Variants in BRWD1 observed in about 807,000 individuals in gnomAD.
The protein encoded by BRWD1 is bromodomain and WD repeat-containing protein 1.
BRWD1 carries 82 observed loss-of-function variants against 251.2 expected under a neutral mutation model. That is an observed-to-expected ratio of 0.33 (90% CI 0.27 to 0.39). BRWD1 has a LOEUF of 0.39. Among genes scored for constraint, BRWD1 ranks in the 10% least tolerant of loss-of-function variants. The pLI, the probability that BRWD1 is intolerant of heterozygous loss-of-function variation, is 1.00. For synonymous variants in BRWD1, 918 were observed against 902.8 expected, an observed-to-expected ratio of 1.02 and a Z score of -0.30; for missense variants, 2,233 against 2,711.6, an observed-to-expected ratio of 0.82 and a Z score of 3.92.
At chr21:39,198,359 T>G (rs984623128) in intron 40 of BRWD1, among the ~76,000 whole-genome samples, 26 of 152,222 alleles carry the variant, frequency 1.7e-4, no homozygotes, top group African/African-American at 5.5e-4. Context: ...TTATTTGCTA[T>G]TACTAACATC....
chr21:39,213,379 G>T, intron 33 of BRWD1, 102 bp downstream of exon 33: 1 of 932,442 alleles, frequency 1.1e-6, no homozygotes. Context: ...TTTGTTCATT[G>T]GACTACTACA....
rs771556056 is a variant in BRWD1 at position 39,187,047 on chromosome 21, G to A, written c.*9212C>T. On this transcript the variant is annotated 3_prime_UTR_variant, in exon 41 of 41. Coordinates refer to ENST00000342449, the MANE Select transcript of BRWD1 (RefSeq NM_033656.4). ...GTCACTATTGTGCATTTTCTTTCCA[G>A]GATCTGAACCCCCTTAAAAAAAGCA... 6.4e-7 allele frequency: 1 copy of A among 1,569,166 alleles called. No homozygotes were observed. The highest frequency in any genetic ancestry group is 1.2e-5 in the South Asian group (1 of 82,418).
Position 39,196,794 on chromosome 21 carries a change from C to G in BRWD1, c.6275G>C (p.Gly2092Ala). 1 of 1,613,248 alleles carries G rather than the reference C, an allele frequency of 6.2e-7. No homozygotes were observed. Among genetic ancestry groups the G allele is most frequent in the Non-Finnish European group, 8.5e-7 (1 of 1,179,916 alleles). ...TCTTCTGCCATTCCACCTGCGCAGC[C>G]CATAATTCAGTTCCACTTCAAAATT... The part of the protein sequence containing the change: ...ENNFEVELNY[G>A]LRRWNGRRLR... The change falls in exon 41 of 41, where the codon GGG (glycine) becomes GCG (alanine). Residue 2092 changes from glycine to alanine, a missense_variant. By Grantham distance (60) the Gly-to-Ala change is moderately conservative. This residue lies in a region of BRWD1 where 928 missense variants were observed against 970.0 expected (regional missense o/e 0.96). Transcript: ENST00000342449.
chr21:39,286,159 C>G (rs924241587), intron 8 of BRWD1, among the ~76,000 whole-genome samples: 1 of 151,786 alleles, frequency 6.6e-6, no homozygotes, highest in African/African-American at 2.4e-5. Context: ...GGACTACAGG[C>G]GCTGGCCACC....
upstream of BRWD1, chr21:39,313,816 A>C (rs1284067261): frequency 2.8e-6 from 1 of 357,024 alleles, no homozygotes; most frequent in East Asian, 7.8e-5. Flanking sequence ...GGAGGCAAAG[A>C]CCTGGGCGCC....
chr21:39,232,200 G>A lies in BRWD1; in HGVS notation c.2977C>T (p.Pro993Ser). The A allele has an allele frequency of 6.2e-7, 1 of 1,611,520 alleles. No homozygotes were observed. The highest frequency in any genetic ancestry group is 8.5e-7 in the Non-Finnish European group (1 of 1,178,474). ...ACCCTAAGATCCATTTTTCTCCATG[G>A]CTCCTTATTAGGGTTCAGTTCATAA... is the stretch of plus-strand genomic sequence containing the variant. ...NIYELNPNKEPWRKMDLRDQE... is the reference protein window; with the variant it reads ...NIYELNPNKESWRKMDLRDQE... The change falls in exon 25 of 41, where the codon CCA (proline) becomes TCA (serine). Residue 993 changes from proline (P) to serine (S), a missense_variant. This residue lies in a region of BRWD1 where 139 missense variants were observed against 272.8 expected (regional missense o/e 0.51). Coordinates refer to ENST00000342449, the MANE Select transcript of BRWD1 (RefSeq NM_033656.4).
At chr21:39,203,417 C>A (rs907015934) in intron 37 of BRWD1, among the ~76,000 whole-genome samples, 3 of 143,422 alleles carry the variant, frequency 2.1e-5, no homozygotes, top group African/African-American at 5.1e-5. Context: ...CCAGCCTGGG[C>A]AACAGAGCAA....
chr21:39,252,757 A>G lies in BRWD1; in HGVS notation c.2256-1868T>C, dbSNP rs2034437000. On this transcript the variant is annotated intron_variant, in intron 19 of 40. Coordinates refer to ENST00000342449, the MANE Select transcript of BRWD1 (RefSeq NM_033656.4). Reference sequence around the variant, plus strand: ...CCAGGTTCTTTGCTGCTCTAAATAGATACTGTGTTACCTACTCTCCTCCTT... The same window carrying G: ...CCAGGTTCTTTGCTGCTCTAAATAGGTACTGTGTTACCTACTCTCCTCCTT... Among the ~76,000 whole-genome samples the G allele has an allele frequency of 3.3e-5, 5 of 152,326 alleles. No individual in the cohort carries two copies. In the South Asian group the frequency reaches 1.0e-3, roughly 32 times the overall value.
At position 39,199,403 on chromosome 21, in the gene BRWD1, T is replaced by C. The variant is rs763819281; in HGVS notation, c.5013A>G (p.Arg1671=). The change falls in exon 40 of 41, where the codon AGA becomes AGG. Residue 1671 remains arginine (R), a synonymous_variant. Transcript: ENST00000342449. ...CTTCAGAATTATGTAATAACTTTTT[T>C]CTAGCTACAGCAGAAGCATTGCGGT... ...LPHRNASAVA[R]KKLLHNSEDE... The C allele has an allele frequency of 6.2e-7, 1 of 1,614,234 alleles. No individual in the cohort carries two copies. The highest frequency in any genetic ancestry group is 1.1e-5 in the South Asian group (1 of 91,084).
intron 19 of BRWD1, among the ~76,000 whole-genome samples, chr21:39,253,947 C>T (rs1301811689): frequency 6.6e-6 from 1 of 152,292 alleles, no homozygotes; most frequent in Admixed American, 6.5e-5. Flanking sequence ...TTGATCTTAG[C>T]CAAAAGGCCA....
intron 23 of BRWD1, chr21:39,235,352 A>C (rs576935327): frequency 6.6e-6 from 1 of 152,554 alleles, no homozygotes; most frequent in East Asian, 1.9e-4. Flanking sequence ...CAACACCCTC[A>C]ATGACAGCAT....
At chr21:39,303,657 C>G (rs1280242657) in intron 4 of BRWD1, among the ~76,000 whole-genome samples, 1 of 150,824 alleles carries the variant, frequency 6.6e-6, no homozygotes, top group African/African-American at 2.4e-5. Context: ...TGGCAAAACC[C>G]CATCTCTACA....
intron 21 of BRWD1, among the ~76,000 whole-genome samples, chr21:39,245,930 G>A (rs1033820477): frequency 6.6e-6 from 1 of 151,946 alleles, no homozygotes; most frequent in Non-Finnish European, 1.5e-5. Flanking sequence ...AAAAAAGTTG[G>A]TTTCTCCCTC....
At chr21:39,251,674 T>C (rs753833554) in intron 19 of BRWD1, among the ~76,000 whole-genome samples, 23 of 152,214 alleles carry the variant, frequency 1.5e-4, no homozygotes, top group Non-Finnish European at 2.8e-4. Context: ...AGAACATTAT[T>C]TTATCCAGCG....
At chr21:39,240,316 A>C (rs1424514089) in intron 21 of BRWD1, among the ~76,000 whole-genome samples, 1 of 152,212 alleles carries the variant, frequency 6.6e-6, no homozygotes, top group Non-Finnish European at 1.5e-5. Flanking sequence ...ATAATGGTGG[A>C]TACATGTCAT....
At position 39,255,696 on chromosome 21, in the gene BRWD1, T is replaced by C; in HGVS notation, c.2204A>G (p.Gln735Arg). The change falls in exon 19 of 41, where the codon CAG (glutamine) becomes CGG (arginine). Residue 735 changes from glutamine to arginine, a missense_variant. Transcript: ENST00000342449. Reference sequence around the variant, plus strand: ...TACAACCACTCTTCGTTTCCAAGCCTGCAGGTCACGTTCTGTAGCAATCTG... The same window carrying C: ...TACAACCACTCTTCGTTTCCAAGCCCGCAGGTCACGTTCTGTAGCAATCTG... ...RSQIATERDL[Q>R]AWKRRVVVPE... is the part of the protein sequence containing the mutation. 1 of 1,614,198 alleles carries C rather than the reference T, an allele frequency of 6.2e-7. No homozygotes were observed. The highest frequency in any genetic ancestry group is 8.5e-7 in the Non-Finnish European group (1 of 1,180,028).
At position 39,313,297 on chromosome 21, in the gene BRWD1, G is replaced by T. The variant is rs760394668; in HGVS notation, c.52C>A (p.Leu18Met). ...AGGTACCGGGCGATAAGGAAGTACA[G>T]CTCTGCGGGAAGACAAGGAGTCAGG... Reference protein sequence around the residue: ...RRPVPLIESELYFLIARYLSA... With the variant: ...RRPVPLIESEMYFLIARYLSA... Residue 18 changes from leucine to methionine, a missense_variant and splice_region_variant, in exon 2 of 41, where the codon CTG (leucine) becomes ATG (methionine). Around this residue, in one of 12 missense-constraint regions of BRWD1, gnomAD observed 101 missense variants for 95.6 expected, o/e 1.06. Transcript: ENST00000342449. 1 of 1,557,380 alleles carries T rather than the reference G, an allele frequency of 6.4e-7. No homozygotes were observed. The highest frequency in any genetic ancestry group is 8.7e-7 in the Non-Finnish European group (1 of 1,145,450).
chr21:39,284,533 A>G (rs1419627639), intron 8 of BRWD1, among the ~76,000 whole-genome samples: 2 of 152,202 alleles, frequency 1.3e-5, no homozygotes, highest in Non-Finnish European at 2.9e-5. Context: ...ACTAATTTAC[A>G]TTCTCACCAA....
At chr21:39,225,736 A>C (rs1279457245) in intron 27 of BRWD1, among the ~76,000 whole-genome samples, 2 of 152,222 alleles carry the variant, frequency 1.3e-5, no homozygotes, top group African/African-American at 4.8e-5. Context: ...TTTGAAAAAA[A>C]ATAATGCCAT....
Sources: allele counts gnomAD v4.1 joint callset (sites outside exome capture counted in the v4.1 genomes callset), GRCh38; gene constraint gnomAD v4.1.1; regional missense constraint gnomAD v4.1.1; transcripts MANE v1.5; gene names NCBI Gene and HGNC (gene_info 2026-07-23, HGNC 2026-07-21).